Variants in WWOX observed in about 807,000 individuals in gnomAD.
WWOX encodes WW domain-containing oxidoreductase.
WWOX carries 69 observed loss-of-function variants against 46.2 expected under a neutral mutation model. The ratio of observed to expected loss-of-function variants is 1.49; its 90% CI spans 1.23 to 1.82. The LOEUF is 1.82. Among genes scored for constraint, WWOX ranks in the 40% most tolerant of loss-of-function variants. The pLI is 0.00. For missense variants in WWOX, 919 were observed against 542.6 expected, an observed-to-expected ratio of 1.69 and a Z score of -6.89; for synonymous variants, 359 against 202.6, an observed-to-expected ratio of 1.77 and a Z score of -6.56.
In WWOX at chr16:78,473,512, G is replaced by A. The variant is rs59164999; in HGVS notation, c.1056+40760G>A. 3.2e-3 allele frequency among the ~76,000 whole-genome samples: 483 copies of A among 152,294 alleles called. 2 individuals carry two copies. Among genetic ancestry groups the A allele is most frequent in the African/African-American group, 0.011 (465 of 41,568 alleles). On this transcript the variant is annotated intron_variant, in intron 8 of 8. Transcript: ENST00000566780. Reference sequence around the variant, plus strand: ...GCATGAAGAGCTGACAATATTGACCGACTGGCCCTCTCAGACAAAGTTTGC... The same window carrying A: ...GCATGAAGAGCTGACAATATTGACCAACTGGCCCTCTCAGACAAAGTTTGC...
chr16:79,063,121 G>A (rs780489019), intron 8 of WWOX, among the ~76,000 whole-genome samples: 4 of 152,170 alleles, frequency 2.6e-5, no homozygotes, highest in African/African-American at 4.8e-5. Flanking sequence ...TGGTGCTTTT[G>A]AGCTATTTCC....
rs543641431 is a variant in WWOX, at chr16:78,818,123, C to A, written c.1056+385371C>A. Among the ~76,000 whole-genome samples the A allele has an allele frequency of 1.5e-3, 235 of 152,138 alleles. 1 individual carries two copies. The highest frequency in any genetic ancestry group is 2.5e-3 in the Non-Finnish European group (172 of 68,030). ...ATGTGGCCAGGCTTTTATAAACCTG[C>A]CTTGACTCGTGATTGGGTGGGCTGC... On this transcript the variant is annotated intron_variant, in intron 8 of 8. Transcript: ENST00000566780.
At chr16:78,210,211 C>T (rs901971467) in intron 5 of WWOX, among the ~76,000 whole-genome samples, 1 of 152,170 alleles carries the variant, frequency 6.6e-6, no homozygotes, top group Admixed American at 6.6e-5. Flanking sequence ...TAGCATTCCT[C>T]ATTTTGAGCC....
chr16:78,812,824 A>G (rs987468965), intron 8 of WWOX, among the ~76,000 whole-genome samples: 2 of 152,208 alleles, frequency 1.3e-5, no homozygotes, highest in Non-Finnish European at 2.9e-5. Context: ...TGTTTGTGTT[A>G]TAAGTTTTCA....
intron 8 of WWOX, among the ~76,000 whole-genome samples, chr16:79,090,693 A>C (rs2048942018): frequency 6.6e-6 from 1 of 152,328 alleles, no homozygotes; most frequent in Admixed American, 6.5e-5. Context: ...GCAAGTATCA[A>C]GGTCCCGAGT....
intron 8 of WWOX, among the ~76,000 whole-genome samples, chr16:78,902,626 G>A (rs1378771274): frequency 2.0e-5 from 3 of 152,208 alleles, no homozygotes; most frequent in East Asian, 1.9e-4. Context: ...CTCTTTGGCT[G>A]CAACGCTTTT....
intron 5 of WWOX, among the ~76,000 whole-genome samples, chr16:78,304,704 C>T (rs1175227840): frequency 6.6e-6 from 1 of 152,188 alleles, no homozygotes; most frequent in East Asian, 1.9e-4. Context: ...CATTATTTTG[C>T]TATTATGAAC....
intron 8 of WWOX, among the ~76,000 whole-genome samples, chr16:78,658,052 G>A (rs534337228): frequency 2.0e-5 from 3 of 151,894 alleles, no homozygotes; most frequent in African/African-American, 7.3e-5. Flanking sequence ...TTCTTTGTTG[G>A]GGGGGATTTC....
At chr16:78,699,206 C>G (rs1052536739) in intron 8 of WWOX, among the ~76,000 whole-genome samples, 3 of 152,170 alleles carry the variant, frequency 2.0e-5, no homozygotes, top group Admixed American at 2.0e-4. Flanking sequence ...GTTTCCCAAC[C>G]TCTGCTTTGG....
At position 78,508,300 on chromosome 16, in the gene WWOX, T is replaced by C. The variant is rs1474462700; in HGVS notation, c.1056+75548T>C. Among the ~76,000 whole-genome samples, 6 of 144,276 alleles carry C rather than the reference T, an allele frequency of 4.2e-5. No individual in the cohort carries two copies. In the Admixed American group the frequency reaches 4.2e-4, roughly 10 times the overall value. The allele number at this position is 144,276 out of a possible 152,430, so 94.7% of individuals were successfully genotyped here. On this transcript the variant is annotated intron_variant, in intron 8 of 8. Transcript: ENST00000566780. ...TGCTGGGATTATAGGCGTGAGCCAC[T>C]GCGCCCGGCCTTTTTTTTTTTTTTT...
chr16:78,568,870 C>T (rs117991947), intron 8 of WWOX, among the ~76,000 whole-genome samples: 31 of 152,320 alleles, frequency 2.0e-4, no homozygotes, highest in African/African-American at 5.1e-4. Context: ...CTGTCTTACA[C>T]GTTTTACGGG....
rs1031838590 is a variant in WWOX, at chr16:78,342,267, A to G, written c.517-44593A>G. On this transcript the variant is annotated intron_variant, in intron 5 of 8. Coordinates refer to ENST00000566780, the MANE Select transcript of WWOX (RefSeq NM_016373.4). The stretch of plus-strand genomic sequence containing the variant: ...GACAAACAACTTGCAACGTCTCATT[A>G]TCTTCATACAACAAACGCTGATTTG... Among the ~76,000 whole-genome samples, 3 of 121,396 alleles carry G rather than the reference A, an allele frequency of 2.5e-5. No individual in the cohort carries two copies. The East Asian group carries it at 5.8e-4, about 23-fold the overall frequency. The allele number at this position is 121,396 out of a possible 152,430, so 79.6% of individuals were successfully genotyped here.
At chr16:78,339,829 A>G (rs1404468601) in intron 5 of WWOX, among the ~76,000 whole-genome samples, 1 of 116,590 alleles carries the variant, frequency 8.6e-6, no homozygotes, top group Non-Finnish European at 2.0e-5. Flanking sequence ...CTCTCTTGGG[A>G]GTACAATGGG....
At chr16:78,461,099 C>A (rs897556845) in intron 8 of WWOX, among the ~76,000 whole-genome samples, 2 of 152,140 alleles carry the variant, frequency 1.3e-5, no homozygotes, top group Non-Finnish European at 2.9e-5. Flanking sequence ...GATGCCATAA[C>A]AAAAGTGCAG....
chr16:78,304,871 C>A (rs1212161694), intron 5 of WWOX, among the ~76,000 whole-genome samples: 1 of 152,198 alleles, frequency 6.6e-6, no homozygotes, highest in Non-Finnish European at 1.5e-5. Flanking sequence ...ACACATTTCG[C>A]TAGCATTGGG....
intron 8 of WWOX, among the ~76,000 whole-genome samples, chr16:78,485,646 C>T (rs543472394): frequency 5.9e-5 from 9 of 152,288 alleles, no homozygotes; most frequent in South Asian, 4.1e-4. Flanking sequence ...CACTGCCCGC[C>T]GCGTGAAGGA....
intron 8 of WWOX, among the ~76,000 whole-genome samples, chr16:79,050,516 A>T (rs1387059896): frequency 6.6e-6 from 1 of 152,170 alleles, no homozygotes; most frequent in East Asian, 1.9e-4. Flanking sequence ...AATAAATCAC[A>T]TGGCTGAGCT....
chr16:78,515,476 T>C (rs1597197173), intron 8 of WWOX, among the ~76,000 whole-genome samples: 1 of 152,138 alleles, frequency 6.6e-6, no homozygotes. Flanking sequence ...TTTCTAATGG[T>C]TTGCTTGGTG....
chr16:78,735,796 G>A (rs954864542), intron 8 of WWOX, among the ~76,000 whole-genome samples: 1 of 151,566 alleles, frequency 6.6e-6, no homozygotes, highest in African/African-American at 2.4e-5. Context: ...CTTGCTTTAG[G>A]TGGAGGATCT....
Sources: allele counts gnomAD v4.1 joint callset (sites outside exome capture counted in the v4.1 genomes callset), GRCh38; gene constraint gnomAD v4.1.1; transcripts MANE v1.5; gene names NCBI Gene and HGNC (gene_info 2026-07-23, HGNC 2026-07-21).